Variants in TMTC1 observed in about 807,000 individuals in gnomAD.
The protein encoded by TMTC1 is transmembrane O-mannosyltransferase targeting cadherins 1.
Under a neutral mutation model 104.8 loss-of-function variants are expected in TMTC1, and 73 were observed. The ratio of observed to expected loss-of-function variants is 0.70; its 90% CI spans 0.58 to 0.85. TMTC1 has a LOEUF of 0.85. Among genes scored for constraint, TMTC1 ranks in the 40% least tolerant of loss-of-function variants. The pLI is 0.00. For synonymous variants in TMTC1, 434 were observed against 428.7 expected (o/e 1.01, Z -0.15); for missense variants, 1,035 against 1,096.1 (o/e 0.94, Z 0.79).
At chr12:29,580,800 T>C (rs571271779) in intron 8 of TMTC1, among the ~76,000 whole-genome samples, 1 of 152,330 alleles carries the variant, frequency 6.6e-6, no homozygotes, top group East Asian at 1.9e-4. Context: ...CCTACCCACC[T>C]ACCTGTACTT....
At chr12:29,632,910 CCACAGTAGTAACCT>C (rs754845231) in intron 6 of TMTC1, among the ~76,000 whole-genome samples, 76 of 152,160 alleles carry the variant, frequency 5.0e-4, no homozygotes, top group Admixed American at 1.6e-3. Flanking sequence ...AATCAGCCAA[CCACAGTAGTAACCT>C]CTCATTTACA....
At chr12:29,671,545 G>A (rs967602004) in intron 5 of TMTC1, among the ~76,000 whole-genome samples, 6 of 151,388 alleles carry the variant, frequency 4.0e-5, no homozygotes, top group African/African-American at 9.6e-5. Context: ...TTCTAAACAC[G>A]CTAATTCTTT....
chr12:29,580,626 G>T (rs981639702), intron 8 of TMTC1, among the ~76,000 whole-genome samples: 10 of 152,178 alleles, frequency 6.6e-5, no homozygotes, highest in African/African-American at 2.4e-4. Flanking sequence ...TGGAGTCTCT[G>T]CCAAGGGCAT....
chr12:29,555,481 T>C (rs1437061145), intron 10 of TMTC1, among the ~76,000 whole-genome samples: 2 of 151,824 alleles, frequency 1.3e-5, no homozygotes, highest in Non-Finnish European at 2.9e-5. Flanking sequence ...TCTTGCCCCC[T>C]ACCCCCCGAC....
At chr12:29,611,117 A>C (rs199864127) in intron 6 of TMTC1, among the ~76,000 whole-genome samples, 1 of 151,976 alleles carries the variant, frequency 6.6e-6, no homozygotes, top group Non-Finnish European at 1.5e-5. Flanking sequence ...CCGAAGGCCG[A>C]TTAAAATCAG....
intron 16 of TMTC1, 77 bp from the exon 17 acceptor site, chr12:29,512,197 G>T: frequency 1.6e-6 from 2 of 1,220,814 alleles, no homozygotes; most frequent in Non-Finnish European, 2.3e-6. Context: ...CTTTCTTCAC[G>T]TGTGAAAATT....
intron 5 of TMTC1, among the ~76,000 whole-genome samples, chr12:29,656,195 G>A (rs1939745867): frequency 6.6e-6 from 1 of 151,906 alleles, no homozygotes; most frequent in Non-Finnish European, 1.5e-5. Context: ...AAACTGAGTA[G>A]GAACTTTACT....
chr12:29,701,973 A>G (rs1941607398), intron 5 of TMTC1, among the ~76,000 whole-genome samples: 1 of 152,214 alleles, frequency 6.6e-6, no homozygotes, highest in African/African-American at 2.4e-5. Context: ...TTTCCCTAAT[A>G]CAATTGCAGG....
At chr12:29,781,473 T>A (rs1023726863) in intron 1 of TMTC1, among the ~76,000 whole-genome samples, 3 of 152,128 alleles carry the variant, frequency 2.0e-5, no homozygotes, top group Non-Finnish European at 2.9e-5. Flanking sequence ...TGGTCTTACT[T>A]CTTTGTCTAC....
intron 1 of TMTC1, among the ~76,000 whole-genome samples, chr12:29,772,475 T>C (rs901207503): frequency 3.3e-5 from 5 of 152,170 alleles, no homozygotes; most frequent in African/African-American, 1.2e-4. Flanking sequence ...GGAGAAAGCA[T>C]ATTTCTGGAA....
At chr12:29,633,970 TA>T (rs1938426677) in intron 5 of TMTC1, among the ~76,000 whole-genome samples, 1 of 152,172 alleles carries the variant, frequency 6.6e-6, no homozygotes, top group African/African-American at 2.4e-5. Context: ...GGAATTTATT[TA>T]AATTCATTCA....
chr12:29,743,859 T>C (rs896894121), intron 5 of TMTC1, among the ~76,000 whole-genome samples: 2 of 152,148 alleles, frequency 1.3e-5, no homozygotes, highest in Non-Finnish European at 2.9e-5. Flanking sequence ...GGCAAAGATA[T>C]CAGCAGCTAA....
At chr12:29,617,334 T>C (rs1354499660) in intron 6 of TMTC1, among the ~76,000 whole-genome samples, 1 of 152,102 alleles carries the variant, frequency 6.6e-6, no homozygotes, top group Non-Finnish European at 1.5e-5. Context: ...TCAATGGTTC[T>C]CTTGGAAAAA....
intron 5 of TMTC1, among the ~76,000 whole-genome samples, chr12:29,727,404 T>G (rs1387518705): frequency 2.0e-5 from 3 of 152,090 alleles, no homozygotes; most frequent in African/African-American, 7.2e-5. Context: ...TGAGACGGAG[T>G]CTTGCTCTGT....
intron 5 of TMTC1, among the ~76,000 whole-genome samples, chr12:29,734,397 A>G (rs992507011): frequency 6.6e-6 from 1 of 152,176 alleles, no homozygotes; most frequent in African/African-American, 2.4e-5. Flanking sequence ...CCTAATATGG[A>G]TGAACTCCTG....
At chr12:29,510,980 G>A (rs114951972) in intron 17 of TMTC1, among the ~76,000 whole-genome samples, 2,013 of 152,078 alleles carry the variant, frequency 0.013, 41 homozygotes, top group African/African-American at 0.046. Flanking sequence ...AACAACAGGC[G>A]TGCTCAAACC....
chr12:29,700,776 C>A (rs1250692736), intron 5 of TMTC1, among the ~76,000 whole-genome samples: 1 of 152,168 alleles, frequency 6.6e-6, no homozygotes, highest in Non-Finnish European at 1.5e-5. Flanking sequence ...ATTTTCATGT[C>A]CTCACTTGAA....
intron 10 of TMTC1, among the ~76,000 whole-genome samples, chr12:29,543,856 G>A (rs60025447): frequency 0.052 from 7,936 of 152,128 alleles, 703 homozygotes; most frequent in African/African-American, 0.18. Context: ...AGTTTACTAG[G>A]GGTTCACCCT....
chr12:29,645,811 A>G (rs1393033524), intron 5 of TMTC1, among the ~76,000 whole-genome samples: 1 of 152,232 alleles, frequency 6.6e-6, no homozygotes, highest in African/African-American at 2.4e-5. Context: ...CTGTTGGTCT[A>G]TTAATGAACC....
Sources: gnomAD v4.1 joint callset for allele counts (sites outside exome capture counted in the v4.1 genomes callset) on GRCh38, gnomAD v4.1.1 for gene constraint, MANE v1.5 for transcripts, NCBI Gene and HGNC (gene_info 2026-07-23, HGNC 2026-07-21) for gene names.